MYO1H: variants seen among roughly 807,000 people sequenced by gnomAD.
MYO1H encodes myosin IH, also known as unconventional myosin-Ih.
In MYO1H, 118 loss-of-function variants were observed where a neutral mutation model predicts 149.3. The observed-to-expected ratio is 0.79, with a 90% confidence interval of 0.68 to 0.92. The LOEUF (loss-of-function observed/expected upper bound fraction) is 0.92. MYO1H is among the 40% of genes least tolerant of loss of function. The pLI, the probability that MYO1H is intolerant of heterozygous loss-of-function variation, is 0.00. For missense variants in MYO1H, 1,212 were observed against 1,280.7 expected, an observed-to-expected ratio of 0.95 and a Z score of 0.82; for synonymous variants, 447 against 465.2, an observed-to-expected ratio of 0.96 and a Z score of 0.50.
rs144441013 is a variant in MYO1H at position 109,447,132 on chromosome 12, G to A, written c.3094-27G>A. 353 of 1,590,052 alleles carry A rather than the reference G, an allele frequency of 2.2e-4. 1 individual carries two copies. The African/African-American group carries it at 4.4e-3, about 20-fold the overall frequency. On this transcript the variant is annotated intron_variant, in intron 31 of 31. Transcript: ENST00000310903. ...TGCGCAAAGGGAGCGGGGAAGGGCT[G>A]TAAACCGAAGTGTGACTCTCTCCCA...
intron 31 of MYO1H, 132 bp downstream of exon 31, chr12:109,445,744 A>G: frequency 2.2e-6 from 3 of 1,373,410 alleles, no homozygotes; most frequent in Non-Finnish European, 2.8e-6. Flanking sequence ...CTCTATTCCT[A>G]ATTCTACATC....
chr12:109,374,845 G>T (rs906297779), intron 1 of MYO1H, among the ~76,000 whole-genome samples: 1 of 148,580 alleles, frequency 6.7e-6, no homozygotes. Context: ...TTTCATATTT[G>T]TATTGGCCAT....
At chr12:109,383,688 T>C (rs899546001) in intron 1 of MYO1H, among the ~76,000 whole-genome samples, 4 of 152,350 alleles carry the variant, frequency 2.6e-5, no homozygotes, top group Admixed American at 1.3e-4. Flanking sequence ...TACAGCCAGT[T>C]GGCCGGAAGT....
chr12:109,335,625 G>A, the MYO1H span, among the ~76,000 whole-genome samples: 1 of 151,920 alleles, frequency 6.6e-6, no homozygotes, highest in African/African-American at 2.4e-5. Context: ...GCATTGACCT[G>A]TGAATTGGAA....
intron 7 of MYO1H, among the ~76,000 whole-genome samples, chr12:109,405,273 C>T (rs73194207): frequency 0.038 from 5,799 of 152,054 alleles, 133 homozygotes; most frequent in Middle Eastern, 0.065. Context: ...AAATTAAGTG[C>T]GTTCATTAGT....
the MYO1H span, among the ~76,000 whole-genome samples, chr12:109,313,810 C>T: frequency 6.6e-6 from 1 of 151,972 alleles, no homozygotes; most frequent in African/African-American, 2.4e-5. Flanking sequence ...TTTATAATAA[C>T]CTCATTTAAT....
rs61740371 is a variant in MYO1H, at chr12:109,404,049, C to G, written c.818C>G (p.Ser273Cys). ...TGGAAAACTGTTTCCAACGCCTTTT[C>G]TGTCATTGATTTTACTGAAGCTGAC... is the stretch of plus-strand genomic sequence containing the variant. Residue 273 changes from serine to cysteine, a missense_variant, in exon 7 of 32, where the codon TCT (serine) becomes TGT (cysteine). Physicochemically the swap from Ser to Cys is moderately radical, Grantham distance 112 (BLOSUM62 -1). Transcript: ENST00000310903. The G allele has an allele frequency of 5.4e-3, 8,654 of 1,613,562 alleles. 352 individuals carry two copies. In the African/African-American group the frequency reaches 0.096, roughly 18 times the overall value.
chr12:109,387,567 G>A (rs972973880), intron 1 of MYO1H, among the ~76,000 whole-genome samples: 2 of 152,222 alleles, frequency 1.3e-5, no homozygotes, highest in African/African-American at 2.4e-5. Context: ...GCACTGGAGG[G>A]ACATTGCAAA....
intron 2 of MYO1H, among the ~76,000 whole-genome samples, chr12:109,390,211 CTTT>C (rs545265874): frequency 1.4e-5 from 2 of 139,768 alleles, no homozygotes; most frequent in Admixed American, 7.2e-5. Flanking sequence ...ATCTTTTTTT[CTTT>C]TTTTTTTTTT....
the MYO1H span, among the ~76,000 whole-genome samples, chr12:109,330,717 A>G: frequency 0.012 from 1,753 of 152,268 alleles, 13 homozygotes; most frequent in Non-Finnish European, 0.018. Flanking sequence ...CTAGAACGAA[A>G]CACCACCCAG....
chr12:109,319,268 C>A, the MYO1H span, among the ~76,000 whole-genome samples: 29 of 152,044 alleles, frequency 1.9e-4, no homozygotes, highest in African/African-American at 5.8e-4. Context: ...AATTCAGGCA[C>A]GTGCAAGAGC....
chr12:109,326,473 C>G, the MYO1H span, among the ~76,000 whole-genome samples: 1 of 149,496 alleles, frequency 6.7e-6, no homozygotes, highest in East Asian at 2.0e-4. Context: ...GAATTAGACT[C>G]TACCTTTTTT....
chr12:109,409,714 G>T, intron 11 of MYO1H, 90 bp downstream of exon 11: 1 of 1,097,860 alleles, frequency 9.1e-7, no homozygotes, highest in South Asian at 1.3e-5. Flanking sequence ...TTACTAGATT[G>T]ATTTCCCTGT....
the MYO1H span, among the ~76,000 whole-genome samples, chr12:109,313,037 C>T: frequency 1.3e-5 from 2 of 151,824 alleles, no homozygotes; most frequent in Non-Finnish European, 2.9e-5. Context: ...CTCAGGAGTT[C>T]GAGACCAGCC....
intron 1 of MYO1H, among the ~76,000 whole-genome samples, chr12:109,372,281 T>A (rs1254075749): frequency 6.6e-6 from 1 of 152,138 alleles, no homozygotes; most frequent in Non-Finnish European, 1.5e-5. Flanking sequence ...AAATCTTTGA[T>A]CCTTCCAGAA....
At chr12:109,387,683 C>T (rs78311696) in intron 1 of MYO1H, among the ~76,000 whole-genome samples, 8,916 of 152,244 alleles carry the variant, frequency 0.059, 856 homozygotes, top group African/African-American at 0.2. Flanking sequence ...ACACACTAAC[C>T]GTGTGCCCAG....
intron 14 of MYO1H, among the ~76,000 whole-genome samples, chr12:109,412,645 G>A (rs988886480): frequency 6.6e-5 from 10 of 151,916 alleles, no homozygotes; most frequent in Non-Finnish European, 1.3e-4. Flanking sequence ...ACCACCATGC[G>A]GATCAGATAT....
intron 1 of MYO1H, among the ~76,000 whole-genome samples, chr12:109,379,140 T>G (rs74915028): frequency 0.039 from 6,010 of 152,306 alleles, 139 homozygotes; most frequent in Middle Eastern, 0.054. Flanking sequence ...ACATTTCAAG[T>G]GCTAAAAGGC....
intron 1 of MYO1H, among the ~76,000 whole-genome samples, chr12:109,368,929 A>T (rs771404870): frequency 3.3e-5 from 5 of 151,878 alleles, no homozygotes; most frequent in Non-Finnish European, 7.4e-5. Context: ...CTCTTCCTGC[A>T]TTAATTAACT....
Sources: gnomAD v4.1 joint callset for allele counts (sites outside exome capture counted in the v4.1 genomes callset) on GRCh38, gnomAD v4.1.1 for gene constraint, MANE v1.5 for transcripts, NCBI Gene and HGNC (gene_info 2026-07-23, HGNC 2026-07-21) for gene names.